Variants in GPR108 observed in about 807,000 individuals in gnomAD.
The protein encoded by GPR108 is protein GPR108.
In GPR108, 60 loss-of-function variants were observed where a neutral mutation model predicts 74.3. The observed-to-expected ratio is 0.81, with a 90% CI of 0.66 to 1.00. GPR108 has a LOEUF of 1.00. Among genes scored for constraint, GPR108 ranks in the 50% least tolerant of loss-of-function variants. GPR108 has a pLI of 0.00. For missense variants in GPR108, 667 were observed against 703.3 expected (o/e 0.95, Z 0.58); for synonymous variants, 311 against 292.4 (o/e 1.06, Z -0.65).
In GPR108 at chr19:6,732,326, G is replaced by C. The variant is rs752932377; in HGVS notation, c.1062C>G (p.Ala354=). Residue 354 remains alanine (A), a synonymous_variant, in exon 12 of 18, where the codon GCC becomes GCG. Coordinates refer to ENST00000264080, the MANE Select transcript of GPR108 (RefSeq NM_001080452.2). ...TATCCGACAGGACGTACTTGATGAA[G>C]GCCCAGCCTGAGCCAATCAGGGCGA... ...ITIALIGSGW[A]FIKYVLSDKE... is the part of the protein sequence containing the mutation. The C allele has an allele frequency of 1.2e-6, 2 of 1,613,462 alleles. No individual in the cohort carries two copies. The highest frequency in any genetic ancestry group is 1.7e-6 in the Non-Finnish European group (2 of 1,180,036).
chr19:6,732,629 C>T lies in GPR108; in HGVS notation c.934-80G>A, dbSNP rs562503228. On this transcript the variant is annotated intron_variant, in intron 10 of 17. Transcript: ENST00000264080. Reference sequence around the variant, plus strand: ...TGGTGGTGGTGGGGGATTAGGAACACGGACCGTCACCATCAGATGGGTGGT... The same window carrying T: ...TGGTGGTGGTGGGGGATTAGGAACATGGACCGTCACCATCAGATGGGTGGT... 131 of 1,075,504 alleles carry T rather than the reference C, an allele frequency of 1.2e-4. 1 individual carries two copies. The African/African-American group carries it at 1.7e-3, about 14-fold the overall frequency. The allele number at this position is 1,075,504 out of a possible 1,614,324, so 66.6% of individuals were successfully genotyped here. A position where few individuals can be genotyped will look rare whatever the true frequency, so the allele number is the denominator to read the frequency against.
At position 6,733,386 on chromosome 19, in the gene GPR108, T is replaced by C. The variant is rs1025994132; in HGVS notation, c.724-85A>G. The C allele has an allele frequency of 6.9e-6, 10 of 1,440,534 alleles. No homozygotes were observed. The African/African-American group carries it at 1.4e-4, about 20-fold the overall frequency. 89.2% of individuals were successfully genotyped at this position (1,440,534 alleles called of 1,614,324 possible). A position where few individuals can be genotyped will look rare whatever the true frequency, so the allele number is the denominator to read the frequency against. ...AGCAGCGAGTGGGGGTCTCCAGCTC[T>C]CTCACTTTCTACTGGGCCACTCATC... On this transcript the variant is annotated intron_variant, in intron 8 of 17. Coordinates refer to ENST00000264080, the MANE Select transcript of GPR108 (RefSeq NM_001080452.2).
intron 4 of GPR108, among the ~76,000 whole-genome samples, 175 bp from the exon 5 acceptor site, chr19:6,734,482 C>T (rs1408164669): frequency 3.9e-5 from 6 of 152,204 alleles, no homozygotes; most frequent in Non-Finnish European, 7.3e-5. Flanking sequence ...AGGAGGCTGC[C>T]GCCTTCCTGT....
Position 6,733,248 on chromosome 19 carries a change from G to A in GPR108, c.777C>T (p.Pro259=). ...ACATGACCATGTAGAGCTTGAAAAGGGGCATCTCCGCTGCCGACAGGAAGC... is the reference window on the plus strand; with the variant it reads ...ACATGACCATGTAGAGCTTGAAAAGAGGCATCTCCGCTGCCGACAGGAAGC... ...PDGFLSAAEM[P]LFKLYMVMSA... The change falls in exon 9 of 18, where the codon CCC becomes CCT. Residue 259 remains proline, a synonymous_variant. Transcript: ENST00000264080. The A allele has an allele frequency of 6.2e-7, 1 of 1,613,934 alleles. No individual in the cohort carries two copies. Among genetic ancestry groups the A allele is most frequent in the Non-Finnish European group, 8.5e-7 (1 of 1,180,018 alleles).
Position 6,735,960 on chromosome 19 carries a change from T to A in GPR108, c.241-2A>T. 6.2e-7 allele frequency: 1 copy of A among 1,606,354 alleles called. No homozygotes were observed. The highest frequency in any genetic ancestry group is 8.5e-7 in the Non-Finnish European group (1 of 1,175,794). ...AACCCGGCTGAGACTGAACCCCACC[T>A]GGTGGGTGGAAAAAAAAAGGGGAGG... is the stretch of plus-strand genomic sequence containing the variant. On this transcript the variant is annotated splice_acceptor_variant, in intron 2 of 17. Coordinates refer to ENST00000264080, the MANE Select transcript of GPR108 (RefSeq NM_001080452.2). LOFTEE classifies it high-confidence loss of function.
Position 6,732,507 on chromosome 19 carries a change from C to T in GPR108, c.976G>A (p.Gly326Ser). Residue 326 changes from glycine to serine, a missense_variant, in exon 11 of 18, where the codon GGC becomes AGC. Transcript: ENST00000264080. ...GCGATGTAGTACATGACGGCAAGGC[C>T]TTCGATGGGGTGGCCCTGGCTGTTG... Reference protein sequence around the residue: ...FINSQGHPIEGLAVMYYIAHL... With the variant: ...FINSQGHPIESLAVMYYIAHL... 1 of 1,613,692 alleles carries T rather than the reference C, an allele frequency of 6.2e-7. No homozygotes were observed. Among genetic ancestry groups the T allele is most frequent in the Non-Finnish European group, 8.5e-7 (1 of 1,179,986 alleles).
chr19:6,730,387 G>C lies in GPR108; in HGVS notation c.1560-3C>G. On this transcript the variant is annotated splice_region_variant and splice_polypyrimidine_tract_variant and intron_variant, in intron 17 of 17. Coordinates refer to ENST00000264080, the MANE Select transcript of GPR108 (RefSeq NM_001080452.2). The stretch of plus-strand genomic sequence containing the variant: ...CCCGGAACCCAGAGTCCGTCATTCT[G>C]GGGGCAGACAGCGAGGAGGCGTCTA... 1 of 1,612,636 alleles carries C rather than the reference G, an allele frequency of 6.2e-7. No homozygotes were observed. Among genetic ancestry groups the C allele is most frequent in the Non-Finnish European group, 8.5e-7 (1 of 1,179,642 alleles).
intron 4 of GPR108, 49 bp downstream of exon 4, chr19:6,735,573 A>C (rs376704434): frequency 2.5e-5 from 38 of 1,507,200 alleles, no homozygotes; most frequent in Middle Eastern, 1.7e-4. Context: ...GCATCACACC[A>C]GGGAAACGCA....
At chr19:6,731,563 G>T (rs1232281899) in intron 14 of GPR108, 41 bp from the exon 15 acceptor site, 3 of 1,079,556 alleles carry the variant, frequency 2.8e-6, no homozygotes, top group African/African-American at 3.2e-5. Flanking sequence ...GGAGACTGAG[G>T]GTGGGAGGGA....
At chr19:6,732,815 C>T (rs1868454445) in intron 10 of GPR108, 172 bp downstream of exon 10, 6 of 664,572 alleles carry the variant, frequency 9.0e-6, no homozygotes, top group Non-Finnish European at 1.3e-5. Context: ...AGCTGCCCCG[C>T]AGGACTGGTG....
At chr19:6,734,581 G>A (rs969003868) in intron 4 of GPR108, among the ~76,000 whole-genome samples, 1 of 152,046 alleles carries the variant, frequency 6.6e-6, no homozygotes, top group Non-Finnish European at 1.5e-5. Context: ...TTGCTCTGTC[G>A]CCCAAGCTGG....
At chr19:6,733,966 GGGGTGTGC>G in intron 6 of GPR108, 31 bp downstream of exon 6, 1 of 1,614,120 alleles carries the variant, frequency 6.2e-7, no homozygotes, top group Non-Finnish European at 8.5e-7. Flanking sequence ...GCAGGGCCCT[GGGGTGTGC>G]ATCTTCCCTC....
At position 6,730,301 on chromosome 19, in the gene GPR108, T is replaced by A. The variant is rs375921002; in HGVS notation, c.*11A>T. 6.2e-7 allele frequency: 1 copy of A among 1,611,746 alleles called. No homozygotes were observed. The highest frequency in any genetic ancestry group is 1.3e-5 in the African/African-American group (1 of 74,846). On this transcript the variant is annotated 3_prime_UTR_variant, in exon 18 of 18. Coordinates refer to ENST00000264080, the MANE Select transcript of GPR108 (RefSeq NM_001080452.2). ...GGGAGGACGACCCTTTGGTCTGAGA[T>A]GTGGAGGTGATCATAACAGTTCCCG...
intron 17 of GPR108, 85 bp downstream of exon 17, chr19:6,730,902 C>G: frequency 2.2e-6 from 2 of 901,396 alleles, no homozygotes; most frequent in South Asian, 1.4e-5. Context: ...TACAGTCCCT[C>G]CCCCCTGCCC....
At chr19:6,730,566 C>A (rs978626714) in intron 17 of GPR108, 182 bp from the exon 18 acceptor site, 1 of 613,126 alleles carries the variant, frequency 1.6e-6, no homozygotes, top group Non-Finnish European at 2.9e-6. Flanking sequence ...AGGCCCTACC[C>A]TTCTACTCCA....
rs747108486 is a variant in GPR108, at chr19:6,733,258, G to A, written c.767C>T (p.Ala256Val). ...EKNPDGFLSAAEMPLFKLYMV... is the reference protein window; with the variant it reads ...EKNPDGFLSAVEMPLFKLYMV... ...GTAGAGCTTGAAAAGGGGCATCTCC[G>A]CTGCCGACAGGAAGCCATCGGGGTT... is the stretch of plus-strand genomic sequence containing the variant. Residue 256 changes from alanine (A) to valine (V), a missense_variant, in exon 9 of 18, where the codon GCG becomes GTG. By Grantham distance (64) the Ala-to-Val change is moderately conservative. Transcript: ENST00000264080. 9.3e-6 allele frequency: 15 copies of A among 1,613,762 alleles called. No individual in the cohort carries two copies. The highest frequency in any genetic ancestry group is 8.0e-5 in the African/African-American group (6 of 74,932).
chr19:6,735,574 G>T, intron 4 of GPR108, 48 bp downstream of exon 4: 1 of 1,529,456 alleles, frequency 6.5e-7, no homozygotes, highest in Non-Finnish European at 9.1e-7. Flanking sequence ...CATCACACCA[G>T]GGAAACGCAG....
At chr19:6,732,445 C>G (rs748771879) in intron 11 of GPR108, 31 bp downstream of exon 11, 2 of 1,612,782 alleles carry the variant, frequency 1.2e-6, no homozygotes, top group African/African-American at 1.3e-5. Context: ...CTGCCTCCCC[C>G]CAGCTGCCCA....
rs746112267 is a variant in GPR108 at position 6,735,969 on chromosome 19, G to GA, written c.241-12dup. 2.8e-4 allele frequency: 434 copies of GA among 1,563,202 alleles called. No individual in the cohort carries two copies. The highest frequency in any genetic ancestry group is 6.9e-4 in the Admixed American group (38 of 55,240). On this transcript the variant is annotated splice_polypyrimidine_tract_variant and intron_variant, in intron 2 of 17. Coordinates refer to ENST00000264080, the MANE Select transcript of GPR108 (RefSeq NM_001080452.2). Reference sequence around the variant, plus strand: ...GAGACTGAACCCCACCTGGTGGGTGGAAAAAAAAAGGGGAGGGTGTGAGGG... The same window carrying GA: ...GAGACTGAACCCCACCTGGTGGGTGGAAAAAAAAAAGGGGAGGGTGTGAGGG...
Sources: gnomAD v4.1 joint callset for allele counts (sites outside exome capture counted in the v4.1 genomes callset) on GRCh38, gnomAD v4.1.1 for gene constraint, MANE v1.5 for transcripts, NCBI Gene and HGNC (gene_info 2026-07-23, HGNC 2026-07-21) for gene names.